The following FCHO1 variants were observed in gnomAD, a reference collection of about 807,000 sequenced individuals.
The protein encoded by FCHO1 is FCH and mu domain containing endocytic adaptor 1.
A neutral mutation model predicts 114.4 loss-of-function variants in FCHO1; 45 were observed. The ratio of observed to expected loss-of-function variants is 0.39; its 90% CI spans 0.31 to 0.50. The LOEUF is 0.50. Ranked by LOEUF, FCHO1 falls within the 20% of genes least tolerant of loss-of-function variation. The pLI, the probability that FCHO1 is intolerant of heterozygous loss-of-function variation, is 0.77. For missense variants in FCHO1, 1,042 were observed against 1,209.6 expected, an observed-to-expected ratio of 0.86 and a Z score of 2.06; for synonymous variants, 480 against 488.9, an observed-to-expected ratio of 0.98 and a Z score of 0.24.
chr19:17,766,745 A>C lies in FCHO1; in HGVS notation c.271A>C (p.Lys91Gln). The C allele has an allele frequency of 6.2e-7, 1 of 1,614,056 alleles. No individual in the cohort carries two copies. The highest frequency in any genetic ancestry group is 8.5e-7 in the Non-Finnish European group (1 of 1,180,008). The stretch of plus-strand genomic sequence containing the variant: ...GCTGTGCCACCTGGAACTGACACGG[A>C]AGTTACAGGATCTCATCAAGGACGT... ...LALCHLELTR[K>Q]LQDLIKDVLR... The change falls in exon 7 of 29, where the codon AAG becomes CAG. Residue 91 changes from lysine (K) to glutamine (Q), a missense_variant. Around this residue, in one of 3 missense-constraint regions of FCHO1, gnomAD observed 450 missense variants for 564.1 expected, o/e 0.80. Coordinates refer to ENST00000596536, the MANE Select transcript of FCHO1 (RefSeq NM_015122.3).
chr19:17,761,515 T>C (rs1451422773), intron 4 of FCHO1, among the ~76,000 whole-genome samples: 3 of 151,960 alleles, frequency 2.0e-5, no homozygotes, highest in Admixed American at 6.6e-5. Context: ...ATTTGTATTT[T>C]GCAATTTAAC....
At chr19:17,750,521 C>T (rs1033718608), upstream of FCHO1, among the ~76,000 whole-genome samples, 2 of 152,120 alleles carry the variant, frequency 1.3e-5, no homozygotes, top group African/African-American at 2.4e-5. Flanking sequence ...TGCAGTGGCT[C>T]GATCTCCGCT....
chr19:17,773,857 C>T (rs546765235), intron 11 of FCHO1, among the ~76,000 whole-genome samples: 2 of 151,370 alleles, frequency 1.3e-5, no homozygotes, highest in African/African-American at 4.9e-5. Flanking sequence ...CCTTTCCAAG[C>T]GCAGTCTCCC....
chr19:17,781,551 C>A lies in FCHO1; in HGVS notation c.1828+12C>A, dbSNP rs199761367. 2.5e-6 allele frequency: 4 copies of A among 1,613,142 alleles called. No homozygotes were observed. The highest frequency in any genetic ancestry group is 3.4e-6 in the Non-Finnish European group (4 of 1,179,542). On this transcript the variant is annotated intron_variant, in intron 22 of 28. Transcript: ENST00000596536. ...CCAGACAGGACACGGTATGTGAGGG[C>A]GGTCCTGGGCCTGGCTTTGGGCCTC...
intron 7 of FCHO1, among the ~76,000 whole-genome samples, chr19:17,767,980 T>C (rs2089999413): frequency 6.6e-6 from 1 of 152,252 alleles, no homozygotes; most frequent in Admixed American, 6.5e-5. Context: ...TGTAGAATCA[T>C]AGATGCATTG....
rs1480864216 is a variant in FCHO1 at position 17,775,808 on chromosome 19, G to A, written c.1004-175G>A. On this transcript the variant is annotated intron_variant, in intron 15 of 28. Coordinates refer to ENST00000596536, the MANE Select transcript of FCHO1 (RefSeq NM_015122.3). This position sits in a 1 kb window ranked among gnomAD's most constrained non-coding sequence, Gnocchi z 5.1. ...GGGCATGCTTGTGCAAAGGCTTCTC[G>A]GGGGGGGTGGGAGTGCTGGTGGGAC... 3.4e-5 allele frequency among the ~76,000 whole-genome samples: 5 copies of A among 146,862 alleles called. No homozygotes were observed. The highest frequency in any genetic ancestry group is 7.4e-5 in the Non-Finnish European group (5 of 67,752).
rs1384491448 is a variant in FCHO1 at position 17,754,602 on chromosome 19, G to C, written c.-127G>C. On this transcript the variant is annotated 5_prime_UTR_variant, in exon 3 of 29. Coordinates refer to ENST00000596536, the MANE Select transcript of FCHO1 (RefSeq NM_015122.3). ...ACCCTTTTCCTGCAGGAGCTGCCTG[G>C]AGTGGAGCTGAGAGCTCAGGTCTGG... 1 of 156,002 alleles carries C rather than the reference G, an allele frequency of 6.4e-6. No individual in the cohort carries two copies. Among genetic ancestry groups the C allele is most frequent in the African/African-American group, 2.4e-5 (1 of 41,468 alleles). 9.7% of individuals were successfully genotyped at this position (156,002 alleles called of 1,614,324 possible).
rs370551694 is a variant in FCHO1 at position 17,778,223 on chromosome 19, T to A, written c.1346T>A (p.Phe449Tyr). The change falls in exon 19 of 29, where the codon TTT (phenylalanine) becomes TAT (tyrosine). Residue 449 changes from phenylalanine to tyrosine, a missense_variant. Phe to Tyr is a conservative substitution (Grantham distance 22). This residue lies in a region of FCHO1 where 455 missense variants were observed against 455.4 expected (regional missense o/e 1.00). Coordinates refer to ENST00000596536, the MANE Select transcript of FCHO1 (RefSeq NM_015122.3). Reference sequence around the variant, plus strand: ...GAGTCAGCCTTTGACCACGAAGATTTTACAGGTGATGGGGATAAGGGATTG... The same window carrying A: ...GAGTCAGCCTTTGACCACGAAGATTATACAGGTGATGGGGATAAGGGATTG... Reference protein sequence around the residue: ...PLESAFDHEDFTGSSSLGFTS... With the variant: ...PLESAFDHEDYTGSSSLGFTS... 6.2e-7 allele frequency: 1 copy of A among 1,613,104 alleles called. No homozygotes were observed. Among genetic ancestry groups the A allele is most frequent in the Non-Finnish European group, 8.5e-7 (1 of 1,179,358 alleles).
intron 4 of FCHO1, among the ~76,000 whole-genome samples, chr19:17,760,975 C>T (rs2085907047): frequency 6.6e-6 from 1 of 152,072 alleles, no homozygotes; most frequent in Non-Finnish European, 1.5e-5. Context: ...ATGAGGAGCT[C>T]CTAAAAGCTC....
chr19:17,775,103 G>A lies in FCHO1; in HGVS notation c.945+23G>A. The stretch of plus-strand genomic sequence containing the variant: ...GGGGTGAGTGATGTGGGAGGGGTCA[G>A]GCTGGGCTACAAGTGGAAGGAGTTT... On this transcript the variant is annotated intron_variant, in intron 14 of 28. Coordinates refer to ENST00000596536, the MANE Select transcript of FCHO1 (RefSeq NM_015122.3). The surrounding 1 kb of genome is among the most constrained non-coding windows in gnomAD (Gnocchi z 5.1). 1.2e-6 allele frequency: 2 copies of A among 1,609,428 alleles called. No individual in the cohort carries two copies. The highest frequency in any genetic ancestry group is 2.2e-5 in the South Asian group (2 of 90,572).
chr19:17,784,302 A>C lies in FCHO1; in HGVS notation c.2226+67A>C, dbSNP rs919376450. On this transcript the variant is annotated intron_variant, in intron 25 of 28. Coordinates refer to ENST00000596536, the MANE Select transcript of FCHO1 (RefSeq NM_015122.3). This position sits in a 1 kb window ranked among gnomAD's most constrained non-coding sequence, Gnocchi z 5.3. ...GGGACACGGTGAGCCGGCAGCAGAC[A>C]TGGAGGCGCCTGCGTGTTGGCCAGG... 8.5e-5 allele frequency: 130 copies of C among 1,531,152 alleles called. No individual in the cohort carries two copies. Among genetic ancestry groups the C allele is most frequent in the Non-Finnish European group, 1.1e-4 (125 of 1,135,040 alleles). 94.8% of individuals were successfully genotyped at this position (1,531,152 alleles called of 1,614,324 possible). A position where few individuals can be genotyped will look rare whatever the true frequency, so the allele number is the denominator to read the frequency against.
chr19:17,778,361 G>T, intron 19 of FCHO1, 133 bp downstream of exon 19: 1 of 828,002 alleles, frequency 1.2e-6, no homozygotes, highest in Non-Finnish European at 1.9e-6. Flanking sequence ...GGGGTGGGCG[G>T]GGCCAGAGTG....
intron 6 of FCHO1, among the ~76,000 whole-genome samples, chr19:17,765,696 A>G (rs915102331): frequency 2.0e-5 from 3 of 151,700 alleles, no homozygotes; most frequent in African/African-American, 7.3e-5. Flanking sequence ...AATAAAAACA[A>G]AACACATAAT....
intron 6 of FCHO1, among the ~76,000 whole-genome samples, chr19:17,765,459 G>A (rs564794302): frequency 1.3e-5 from 2 of 152,042 alleles, no homozygotes; most frequent in African/African-American, 4.8e-5. Flanking sequence ...ATCACTTGAG[G>A]CCAAAAGTTC....
chr19:17,756,043 G>A (rs1332905796), intron 4 of FCHO1, among the ~76,000 whole-genome samples: 2 of 152,180 alleles, frequency 1.3e-5, no homozygotes, highest in African/African-American at 4.8e-5. Flanking sequence ...GGAAGGACCA[G>A]GTCAGAAAGC....
chr19:17,758,761 C>A, intron 4 of FCHO1: 1 of 152,216 alleles, frequency 6.6e-6, no homozygotes, highest in South Asian at 2.1e-4. Flanking sequence ...TTGCTTGAGT[C>A]CAGGAGTTCG....
intron 27 of FCHO1, among the ~76,000 whole-genome samples, chr19:17,787,076 T>C (rs1418518043): frequency 2.0e-5 from 3 of 150,608 alleles, no homozygotes; most frequent in African/African-American, 4.9e-5. Flanking sequence ...ATATAAAAAT[T>C]AGCCGCGTGT....
chr19:17,755,070 G>C, intron 3 of FCHO1, 48 bp from the exon 4 acceptor site: 1 of 1,209,956 alleles, frequency 8.3e-7, no homozygotes, highest in African/African-American at 1.5e-5. Flanking sequence ...CCCCCACCAA[G>C]CCCACACTGG....
rs3083683 is a variant in FCHO1, at chr19:17,767,395, C to CAAAAAAAA, written c.336+591_336+598dup. Among the ~76,000 whole-genome samples, 347 of 130,706 alleles carry CAAAAAAAA rather than the reference C, an allele frequency of 2.7e-3. 6 individuals are homozygous for CAAAAAAAA. The highest frequency in any genetic ancestry group is 0.013 in the Middle Eastern group (3 of 240). 85.7% of individuals were successfully genotyped at this position (130,706 alleles called of 152,430 possible). ...CAACATAGGGAGACCCCATCTTTAC[C>CAAAAAAAA]AAAAAAAAAAAAACACCCAAAACTA... is the stretch of plus-strand genomic sequence containing the variant. On this transcript the variant is annotated intron_variant, in intron 7 of 28. Transcript: ENST00000596536.
Sources: allele counts gnomAD v4.1 joint callset (sites outside exome capture counted in the v4.1 genomes callset), GRCh38; gene constraint gnomAD v4.1.1; regional missense constraint gnomAD v4.1.1; non-coding constraint Gnocchi (gnomAD v3.1); transcripts MANE v1.5; gene names NCBI Gene and HGNC (gene_info 2026-07-23, HGNC 2026-07-21).